ICE1: variants seen among roughly 807,000 people sequenced by gnomAD.
ICE1 encodes interactor of little elongation complex ELL subunit 1, also known as little elongation complex subunit 1.
A neutral mutation model predicts 192.7 loss-of-function variants in ICE1; 64 were observed. The ratio of observed to expected loss-of-function variants is 0.33; its 90% CI spans 0.27 to 0.41. The LOEUF is 0.41. Ranked by LOEUF, ICE1 falls within the 10% of genes least tolerant of loss-of-function variation. The probability of loss-of-function intolerance (pLI) is 1.00; values close to 1 mark genes in which losing one functional copy is unlikely to be tolerated. For synonymous variants in ICE1, 1,010 were observed against 984.5 expected (o/e 1.03, Z -0.49); for missense variants, 2,708 against 2,696.0 (o/e 1.00, Z -0.10).
intron 1 of ICE1, among the ~76,000 whole-genome samples, chr5:5,434,837 T>C (rs181520422): frequency 1.3e-5 from 2 of 152,342 alleles, no homozygotes; most frequent in East Asian, 3.9e-4. Flanking sequence ...TCTAGCCTAG[T>C]GGATGAAAAG....
In ICE1 at chr5:5,489,248, G is replaced by C. The variant is rs1480394603; in HGVS notation, c.6719G>C (p.Arg2240Thr). Residue 2240 changes from arginine (R) to threonine (T), a missense_variant, in exon 19 of 19, where the codon AGA (arginine) becomes ACA (threonine). Physicochemically the swap from Arg to Thr is moderately conservative, Grantham distance 71. Transcript: ENST00000296564. ...TCCAAGATCCTGGAAGCTTGGCGGA[G>C]AGAGGCCTCCAAAAGCGTTCCGTCT... ...EISKILEAWRREASKSVPSAI... is the reference protein window; with the variant it reads ...EISKILEAWRTEASKSVPSAI... 1 of 1,613,842 alleles carries C rather than the reference G, an allele frequency of 6.2e-7. No individual in the cohort carries two copies. Among genetic ancestry groups the C allele is most frequent in the Non-Finnish European group, 8.5e-7 (1 of 1,179,880 alleles).
rs1738984430 is a variant in ICE1, at chr5:5,466,355, C to G, written c.5914C>G (p.His1972Asp). The G allele has an allele frequency of 1.2e-6, 2 of 1,606,936 alleles. No individual in the cohort carries two copies. Among genetic ancestry groups the G allele is most frequent in the African/African-American group, 1.3e-5 (1 of 74,608 alleles). The change falls in exon 14 of 19, where the codon CAC (histidine) becomes GAC (aspartate). Residue 1972 changes from histidine (H) to aspartate (D), a missense_variant. Physicochemically the swap from His to Asp is moderately conservative, Grantham distance 81. Around this residue, in one of 2 missense-constraint regions of ICE1, gnomAD observed 342 missense variants for 419.3 expected, o/e 0.82. Coordinates refer to ENST00000296564, the MANE Select transcript of ICE1 (RefSeq NM_015325.3). ...CCAGCATTTAGCAGAGTGCTTGCTT[C>G]ACTCTATTCTCTCAGAACTAAAAAT... ...TKKHLAECLL[H>D]SILSELKIQK...
At chr5:5,429,359 C>T (rs1234823868) in intron 1 of ICE1, among the ~76,000 whole-genome samples, 1 of 152,160 alleles carries the variant, frequency 6.6e-6, no homozygotes, top group African/African-American at 2.4e-5. Context: ...TCCGAGTCCT[C>T]AGGTGACAGC....
intron 1 of ICE1, among the ~76,000 whole-genome samples, chr5:5,434,812 A>G (rs894150870): frequency 3.9e-5 from 6 of 152,184 alleles, no homozygotes; most frequent in Admixed American, 2.0e-4. Context: ...ATCCTTACCA[A>G]TATGTTTATT....
chr5:5,458,735 A>T (rs1430009405), intron 12 of ICE1, among the ~76,000 whole-genome samples: 1 of 152,170 alleles, frequency 6.6e-6, no homozygotes, highest in African/African-American at 2.4e-5. Context: ...TCTTTGATGA[A>T]TCCAAAGACA....
chr5:5,489,343 C>G lies in ICE1; in HGVS notation c.*13C>G. On this transcript the variant is annotated 3_prime_UTR_variant, in exon 19 of 19. Transcript: ENST00000296564. ...GGAGCTTGGCTGACCTGGGATGCCA[C>G]TGAGGCTTGAGAAGTGCCTTGACAC... 6.3e-7 allele frequency: 1 copy of G among 1,595,658 alleles called. No individual in the cohort carries two copies. Among genetic ancestry groups the G allele is most frequent in the Non-Finnish European group, 8.5e-7 (1 of 1,171,800 alleles).
intron 16 of ICE1, among the ~76,000 whole-genome samples, chr5:5,474,991 T>A (rs1224818514): frequency 1.3e-5 from 2 of 152,204 alleles, no homozygotes. Flanking sequence ...TATTTCCCAG[T>A]CTGTTACTAA....
Position 5,462,916 on chromosome 5 carries a change from T to C in ICE1, c.3582T>C (p.Ser1194=). The change falls in exon 13 of 19, where the codon TCT becomes TCC. Residue 1194 remains serine, a synonymous_variant. Coordinates refer to ENST00000296564, the MANE Select transcript of ICE1 (RefSeq NM_015325.3). ...LGDYSSGDSV[S]ECSSKGTLSK... ...ATTATAGTTCAGGGGACTCTGTTTC[T>C]GAATGTTCTAGTAAAGGAACCCTAA... The C allele has an allele frequency of 6.2e-7, 1 of 1,609,362 alleles. No homozygotes were observed. Among genetic ancestry groups the C allele is most frequent in the Non-Finnish European group, 8.5e-7 (1 of 1,177,502 alleles).
chr5:5,487,468 A>T (rs2111409799), intron 18 of ICE1, among the ~76,000 whole-genome samples: 1 of 152,332 alleles, frequency 6.6e-6, no homozygotes, highest in East Asian at 1.9e-4. Flanking sequence ...CATTTTAAAT[A>T]CTGTATAACA....
Position 5,463,859 on chromosome 5 carries a change from C to T in ICE1, c.4525C>T (p.Arg1509Cys), listed in dbSNP as rs1348302373. 20 of 1,613,878 alleles carry T rather than the reference C, an allele frequency of 1.2e-5. No individual in the cohort carries two copies. Among genetic ancestry groups the T allele is most frequent in the Non-Finnish European group, 1.5e-5 (18 of 1,179,864 alleles). The stretch of plus-strand genomic sequence containing the variant: ...TCAGAGCACCAACTTTGATAAGAGT[C>T]GTTTGCGAAATAGACCCGTTAAGCC... ...SGQSTNFDKSRLRNRPVKPSI... is the reference protein window; with the variant it reads ...SGQSTNFDKSCLRNRPVKPSI... The change falls in exon 13 of 19, where the codon CGT becomes TGT. Residue 1509 changes from arginine (R) to cysteine (C), a missense_variant. This residue lies in a region of ICE1 where 2,366 missense variants were observed against 2,276.6 expected (regional missense o/e 1.04). Transcript: ENST00000296564.
chr5:5,476,299 A>G (rs926059985), intron 17 of ICE1, among the ~76,000 whole-genome samples: 1 of 152,100 alleles, frequency 6.6e-6, no homozygotes, highest in Non-Finnish European at 1.5e-5. Flanking sequence ...ATATTAGTAC[A>G]TTTTAGTTAC....
At chr5:5,435,752 C>T (rs1737856780) in intron 1 of ICE1, among the ~76,000 whole-genome samples, 1 of 145,806 alleles carries the variant, frequency 6.9e-6, no homozygotes, top group Admixed American at 7.0e-5. Context: ...TCACTGCAAC[C>T]TCCGCCTCTC....
In ICE1 at chr5:5,464,239, G is replaced by C. The variant is rs1369247841; in HGVS notation, c.4905G>C (p.Leu1635=). 4 of 1,613,426 alleles carry C rather than the reference G, an allele frequency of 2.5e-6. No individual in the cohort carries two copies. The highest frequency in any genetic ancestry group is 3.4e-6 in the Non-Finnish European group (4 of 1,179,796). Reference sequence around the variant, plus strand: ...AGGTGGGGCCTCCTTTGCCGCCTCTGCTTGCTCCTCTGATAGCTACACCTC... The same window carrying C: ...AGGTGGGGCCTCCTTTGCCGCCTCTCCTTGCTCCTCTGATAGCTACACCTC... ...RQEVGPPLPP[L]LAPLIATPPR... The change falls in exon 13 of 19, where the codon CTG becomes CTC. Residue 1635 remains leucine (L), a synonymous_variant. Transcript: ENST00000296564. This position sits in a 1 kb window ranked among gnomAD's most constrained non-coding sequence, Gnocchi z 4.0.
In ICE1 at chr5:5,447,347, A is replaced by G; in HGVS notation, c.425-80A>G. The G allele has an allele frequency of 3.5e-6, 3 of 863,996 alleles. 1 individual carries two copies. The East Asian group carries it at 8.4e-5, about 24-fold the overall frequency. The allele number at this position is 863,996 out of a possible 1,614,324, so 53.5% of individuals were successfully genotyped here. A position where few individuals can be genotyped will look rare whatever the true frequency, so the allele number is the denominator to read the frequency against. ...AAATGAGAAAAACTTGTAATAGATA[A>G]GATTTTGAGTATTTCATTAACCACA... On this transcript the variant is annotated intron_variant, in intron 7 of 18. Transcript: ENST00000296564.
chr5:5,467,037 A>G (rs1022005090), intron 14 of ICE1, among the ~76,000 whole-genome samples: 6 of 152,226 alleles, frequency 3.9e-5, no homozygotes, highest in African/African-American at 1.2e-4. Context: ...CATATGATAT[A>G]CAAATGAAAC....
At chr5:5,469,934 T>C (rs1258164365) in intron 15 of ICE1, among the ~76,000 whole-genome samples, 2 of 152,134 alleles carry the variant, frequency 1.3e-5, no homozygotes, top group Non-Finnish European at 2.9e-5. Context: ...AGCAACCACA[T>C]ATATATCTGC....
At chr5:5,471,907 G>A (rs969325242) in intron 15 of ICE1, among the ~76,000 whole-genome samples, 3 of 152,068 alleles carry the variant, frequency 2.0e-5, no homozygotes, top group Non-Finnish European at 2.9e-5. Context: ...CTTTAAGGAT[G>A]CTCTATATGT....
intron 1 of ICE1, among the ~76,000 whole-genome samples, 162 bp downstream of exon 1, chr5:5,423,161 CAT>C (rs1737377022): frequency 6.6e-6 from 1 of 152,114 alleles, no homozygotes; most frequent in Non-Finnish European, 1.5e-5. Flanking sequence ...CTTTTTCCTA[CAT>C]GAGTTTTGGG....
intron 17 of ICE1, among the ~76,000 whole-genome samples, chr5:5,482,446 T>C (rs1223579924): frequency 3.3e-5 from 5 of 152,164 alleles, no homozygotes; most frequent in Admixed American, 6.5e-5. Flanking sequence ...AATGTCAAAG[T>C]AGGAGCAAAG....
Sources: allele counts gnomAD v4.1 joint callset (sites outside exome capture counted in the v4.1 genomes callset), GRCh38; gene constraint gnomAD v4.1.1; regional missense constraint gnomAD v4.1.1; non-coding constraint Gnocchi (gnomAD v3.1); transcripts MANE v1.5; gene names NCBI Gene and HGNC (gene_info 2026-07-23, HGNC 2026-07-21).